DYNC1I1: variants seen among roughly 807,000 people sequenced by gnomAD.
DYNC1I1 encodes the protein cytoplasmic dynein 1 intermediate chain 1.
Under a neutral mutation model 86.6 loss-of-function variants are expected in DYNC1I1, and 43 were observed. The observed-to-expected ratio is 0.50, with a 90% CI of 0.39 to 0.64. DYNC1I1 has a LOEUF of 0.64. Ranked by LOEUF, DYNC1I1 falls within the 30% of genes least tolerant of loss-of-function variation. The pLI is 0.00. For missense variants in DYNC1I1, 604 were observed against 788.8 expected (o/e 0.77, Z 2.81); for synonymous variants, 262 against 283.7 (o/e 0.92, Z 0.77).
intron 10 of DYNC1I1, among the ~76,000 whole-genome samples, chr7:96,017,062 C>T (rs1794420127): frequency 1.3e-5 from 2 of 152,084 alleles, no homozygotes; most frequent in African/African-American, 4.8e-5. Context: ...TAACAAGCAC[C>T]GAAGTTAATG....
At chr7:95,875,807 G>C (rs1008146455) in intron 6 of DYNC1I1, among the ~76,000 whole-genome samples, 1 of 152,100 alleles carries the variant, frequency 6.6e-6, no homozygotes, top group African/African-American at 2.4e-5. Flanking sequence ...GCTTAGTTTG[G>C]CAATGTTCCT....
chr7:95,843,305 C>T lies in DYNC1I1; in HGVS notation c.374+15189C>T, dbSNP rs79095038. Among the ~76,000 whole-genome samples the T allele has an allele frequency of 6.8e-3, 1,037 of 152,238 alleles. 10 individuals carry two copies. Among genetic ancestry groups the T allele is most frequent in the African/African-American group, 0.023 (972 of 41,548 alleles). ...TTTTGTGCAGATTTCTTCTCTCTGC[C>T]GTATTTTCCTGTGAATTCTAACTGC... On this transcript the variant is annotated intron_variant, in intron 5 of 16. Coordinates refer to ENST00000447467, the MANE Select transcript of DYNC1I1 (RefSeq NM_001135556.2).
At chr7:96,069,490 G>A (rs965078655) in intron 14 of DYNC1I1, among the ~76,000 whole-genome samples, 2 of 152,186 alleles carry the variant, frequency 1.3e-5, no homozygotes, top group Non-Finnish European at 2.9e-5. Context: ...TGAATTGGCT[G>A]TAAGAGGTAA....
intron 9 of DYNC1I1, among the ~76,000 whole-genome samples, chr7:95,989,315 T>C (rs969004838): frequency 6.6e-6 from 1 of 152,202 alleles, no homozygotes; most frequent in African/African-American, 2.4e-5. Flanking sequence ...TGAATTCCTT[T>C]TTGTATCCAA....
chr7:96,004,290 G>A (rs902278683), intron 10 of DYNC1I1, among the ~76,000 whole-genome samples: 4 of 151,988 alleles, frequency 2.6e-5, no homozygotes, highest in African/African-American at 4.8e-5. Context: ...ATTTATCTTC[G>A]TTAATTTTTA....
intron 6 of DYNC1I1, among the ~76,000 whole-genome samples, chr7:95,895,297 T>C (rs1790852560): frequency 6.6e-6 from 1 of 152,188 alleles, no homozygotes; most frequent in South Asian, 2.1e-4. Context: ...AATGGTGATA[T>C]TTTCAATTTT....
At position 96,035,740 on chromosome 7, in the gene DYNC1I1, G is replaced by A; in HGVS notation, c.1352G>A (p.Cys451Tyr). 1 of 1,609,830 alleles carries A rather than the reference G, an allele frequency of 6.2e-7. No individual in the cohort carries two copies. Among genetic ancestry groups the A allele is most frequent in the Non-Finnish European group, 8.5e-7 (1 of 1,178,396 alleles). The part of the protein sequence containing the change: ...GSEEGTVYTA[C>Y]RHGSKAGIGE... ...GAGGAAGGTACAGTCTACACGGCTT[G>A]TCGTCATGGAAGGTGATTTTTCTGT... The change falls in exon 13 of 17, where the codon TGT becomes TAT. Residue 451 changes from cysteine to tyrosine, a missense_variant. Physicochemically the swap from Cys to Tyr is radical, Grantham distance 194. Coordinates refer to ENST00000447467, the MANE Select transcript of DYNC1I1 (RefSeq NM_001135556.2).
chr7:96,063,205 C>T (rs1442954299), intron 14 of DYNC1I1, among the ~76,000 whole-genome samples: 3 of 151,262 alleles, frequency 2.0e-5, no homozygotes, highest in African/African-American at 7.3e-5. Flanking sequence ...ATGGTTGAGC[C>T]GTAGTCATTG....
chr7:96,038,032 G>A (rs1191062972), intron 13 of DYNC1I1, among the ~76,000 whole-genome samples: 2 of 152,110 alleles, frequency 1.3e-5, no homozygotes, highest in African/African-American at 4.8e-5. Flanking sequence ...AGAGCAAGTG[G>A]AGTCTCACCA....
intron 6 of DYNC1I1, among the ~76,000 whole-genome samples, chr7:95,876,970 A>T (rs758902528): frequency 6.6e-6 from 1 of 152,240 alleles, no homozygotes; most frequent in Non-Finnish European, 1.5e-5. Flanking sequence ...AAAAACATTT[A>T]TCTAATAAAA....
chr7:95,863,468 A>C (rs888147420), intron 5 of DYNC1I1, among the ~76,000 whole-genome samples: 2 of 151,910 alleles, frequency 1.3e-5, no homozygotes, highest in African/African-American at 4.8e-5. Context: ...CCATTAAATT[A>C]TACAGTTTAA....
chr7:95,861,473 C>A (rs528903681), intron 5 of DYNC1I1, among the ~76,000 whole-genome samples: 1 of 152,112 alleles, frequency 6.6e-6, no homozygotes, highest in African/African-American at 2.4e-5. Context: ...CTCTGATATG[C>A]GCCTTTATTT....
intron 13 of DYNC1I1, among the ~76,000 whole-genome samples, chr7:96,038,701 T>G (rs956898143): frequency 6.6e-6 from 1 of 152,204 alleles, no homozygotes; most frequent in Admixed American, 6.5e-5. Context: ...CATTATTTTC[T>G]CCATATTATA....
intron 6 of DYNC1I1, among the ~76,000 whole-genome samples, chr7:95,905,581 C>T (rs984038490): frequency 2.6e-4 from 40 of 152,118 alleles, no homozygotes; most frequent in African/African-American, 9.4e-4. Flanking sequence ...CACGTGGGGT[C>T]CCTGATTATG....
chr7:96,029,126 C>T lies in DYNC1I1; in HGVS notation c.1116+805C>T, dbSNP rs532120344. ...GTTTCATATGCTGGACTCAAAAGCA[C>T]TCTGGCATGAAAAAGGACTGCCAGC... On this transcript the variant is annotated intron_variant, in intron 11 of 16. Transcript: ENST00000447467. Among the ~76,000 whole-genome samples, 28 of 152,258 alleles carry T rather than the reference C, an allele frequency of 1.8e-4. No individual in the cohort carries two copies. In the South Asian group the frequency reaches 3.3e-3, roughly 18 times the overall value.
chr7:95,853,063 G>T (rs1789623285), intron 5 of DYNC1I1, among the ~76,000 whole-genome samples: 1 of 151,892 alleles, frequency 6.6e-6, no homozygotes, highest in Non-Finnish European at 1.5e-5. Context: ...TCATTTATTT[G>T]TGAATTTTCT....
intron 5 of DYNC1I1, among the ~76,000 whole-genome samples, chr7:95,831,455 C>A (rs1788901872): frequency 6.6e-6 from 1 of 152,168 alleles, no homozygotes; most frequent in Non-Finnish European, 1.5e-5. Flanking sequence ...TCACTGCAAC[C>A]TCTGCCTCCC....
At chr7:96,040,338 A>G (rs1041136449) in intron 14 of DYNC1I1, among the ~76,000 whole-genome samples, 3 of 152,222 alleles carry the variant, frequency 2.0e-5, no homozygotes, top group African/African-American at 7.2e-5. Context: ...AGGAAGGCAC[A>G]ATAATCTAGG....
intron 6 of DYNC1I1, among the ~76,000 whole-genome samples, chr7:95,973,282 A>G (rs1362209732): frequency 1.3e-5 from 2 of 152,230 alleles, no homozygotes; most frequent in African/African-American, 2.4e-5. Context: ...CAAGGCAAAC[A>G]TATCAGTATG....
Sources: gnomAD v4.1 joint callset for allele counts (sites outside exome capture counted in the v4.1 genomes callset) on GRCh38, gnomAD v4.1.1 for gene constraint, MANE v1.5 for transcripts, NCBI Gene and HGNC (gene_info 2026-07-23, HGNC 2026-07-21) for gene names.